The following ACTR3C variants were observed in gnomAD, a reference collection of about 807,000 sequenced individuals.
ACTR3C encodes the protein actin related protein 3C.
Under a neutral mutation model 26.3 loss-of-function variants are expected in ACTR3C, and 18 were observed. The observed-to-expected ratio is 0.68, with a 90% CI of 0.47 to 1.01. The LOEUF (loss-of-function observed/expected upper bound fraction) is 1.01, where lower values mean the gene tolerates loss of function less well. Among genes scored for constraint, ACTR3C ranks in the 50% least tolerant of loss-of-function variants. The pLI, the probability that ACTR3C is intolerant of heterozygous loss-of-function variation, is 0.00. For missense variants in ACTR3C, 184 were observed against 250.7 expected (o/e 0.73, Z 1.80); for synonymous variants, 55 against 94.5 (o/e 0.58, Z 2.42).
the ACTR3C span, among the ~76,000 whole-genome samples, chr7:149,936,568 C>T: frequency 1.3e-5 from 2 of 152,192 alleles, no homozygotes; most frequent in African/African-American, 2.4e-5. Context: ...CACAATAAAA[C>T]ACTGTACTGA....
chr7:149,987,941 A>C, the ACTR3C span, among the ~76,000 whole-genome samples: 2 of 152,260 alleles, frequency 1.3e-5, no homozygotes, highest in Non-Finnish European at 2.9e-5. Flanking sequence ...GAACATTTTC[A>C]CACTTAAAAA....
chr7:150,168,044 T>G, the ACTR3C span, among the ~76,000 whole-genome samples: 1 of 150,756 alleles, frequency 6.6e-6, no homozygotes, highest in Non-Finnish European at 1.5e-5. Context: ...AGGTGAAGAA[T>G]TTTTCTGTAG....
At chr7:150,079,987 T>A in the ACTR3C span, among the ~76,000 whole-genome samples, 1 of 152,142 alleles carries the variant, frequency 6.6e-6, no homozygotes, top group Non-Finnish European at 1.5e-5. Flanking sequence ...CTATTTAAAC[T>A]CACTTGCAAT....
At chr7:150,093,619 C>G in the ACTR3C span, among the ~76,000 whole-genome samples, 1 of 150,898 alleles carries the variant, frequency 6.6e-6, no homozygotes, top group Admixed American at 6.6e-5. Context: ...GGCCCTGTGT[C>G]TCTGTGACCC....
At chr7:149,983,073 T>C in the ACTR3C span, among the ~76,000 whole-genome samples, 1 of 152,058 alleles carries the variant, frequency 6.6e-6, no homozygotes, top group Non-Finnish European at 1.5e-5. Context: ...TGGATATCCA[T>C]ACAAGAGAAC....
chr7:149,938,101 C>T, the ACTR3C span, among the ~76,000 whole-genome samples: 1 of 152,112 alleles, frequency 6.6e-6, no homozygotes, highest in Non-Finnish European at 1.5e-5. Flanking sequence ...GGGATTCCGC[C>T]CTGGGAAAAT....
At chr7:150,128,648 T>C in the ACTR3C span, among the ~76,000 whole-genome samples, 1 of 151,588 alleles carries the variant, frequency 6.6e-6, no homozygotes, top group Non-Finnish European at 1.5e-5. Flanking sequence ...TCTGGGAGTT[T>C]CTCTCATGCA....
chr7:150,075,536 T>C, the ACTR3C span, among the ~76,000 whole-genome samples: 1 of 152,230 alleles, frequency 6.6e-6, no homozygotes, highest in South Asian at 2.1e-4. Context: ...TGTTAAATAC[T>C]GATGATGCCA....
the ACTR3C span, among the ~76,000 whole-genome samples, chr7:150,035,523 G>A: frequency 1.3e-3 from 136 of 105,462 alleles, no homozygotes; most frequent in South Asian, 9.1e-3. Flanking sequence ...CCCCACTCTC[G>A]TGGGGGGTGC....
the ACTR3C span, among the ~76,000 whole-genome samples, chr7:149,970,127 G>C: frequency 6.6e-6 from 1 of 152,252 alleles, no homozygotes; most frequent in Non-Finnish European, 1.5e-5. Flanking sequence ...TCATGAGCTA[G>C]GGGCCTCCTT....
chr7:150,163,556 T>C, the ACTR3C span, among the ~76,000 whole-genome samples: 1 of 151,872 alleles, frequency 6.6e-6, no homozygotes, highest in East Asian at 1.9e-4. Flanking sequence ...ACATATATAA[T>C]ACATATATAT....
the ACTR3C span, among the ~76,000 whole-genome samples, chr7:150,036,940 G>T: frequency 1.1e-3 from 94 of 82,586 alleles, 1 homozygote; most frequent in Non-Finnish European, 2.1e-3. Context: ...GGTCCTAAGA[G>T]CCAGTGGGGG....
Position 150,289,575 on chromosome 7 carries a change from C to T in ACTR3C, c.172G>A (p.Gly58Arg). The change falls in exon 4 of 8, where the codon GGA becomes AGA. Residue 58 changes from glycine to arginine, a missense_variant. Transcript: ENST00000683684. Reference sequence around the variant, plus strand: ...ATCGGGATGTGTTTGATGCAGCTTCCAATTACATAACCTTCTGCCTAGGGA... The same window carrying T: ...ATCGGGATGTGTTTGATGCAGCTTCTAATTACATAACCTTCTGCCTAGGGA... ...VIPVAEGYVI[G>R]SCIKHIPIAG... The T allele has an allele frequency of 6.3e-7, 1 of 1,583,480 alleles. No individual in the cohort carries two copies. The highest frequency in any genetic ancestry group is 1.2e-5 in the South Asian group (1 of 84,450).
the ACTR3C span, among the ~76,000 whole-genome samples, chr7:150,161,745 A>G: frequency 6.6e-6 from 1 of 152,192 alleles, no homozygotes; most frequent in South Asian, 2.1e-4. Context: ...TACTCACAAT[A>G]GTAAAGACTT....
chr7:150,297,947 G>C (rs1584959656), intron 1 of ACTR3C, among the ~76,000 whole-genome samples: 1 of 150,938 alleles, frequency 6.6e-6, no homozygotes, highest in Non-Finnish European at 1.5e-5. Flanking sequence ...ATATCAAGTT[G>C]AGCAGTGCAC....
At chr7:149,961,654 A>C in the ACTR3C span, among the ~76,000 whole-genome samples, 8 of 151,716 alleles carry the variant, frequency 5.3e-5, no homozygotes, top group Admixed American at 5.2e-4. Flanking sequence ...TACACATAGG[A>C]TCTATGGGCT....
chr7:149,894,310 A>T, the ACTR3C span, among the ~76,000 whole-genome samples: 7 of 152,218 alleles, frequency 4.6e-5, no homozygotes, highest in Admixed American at 4.6e-4. Context: ...AGAAAACGGT[A>T]AAATGCTTTA....
chr7:150,317,240 G>A (rs1470963129), intron 1 of ACTR3C, among the ~76,000 whole-genome samples: 1 of 152,038 alleles, frequency 6.6e-6, no homozygotes, highest in East Asian at 1.9e-4. Context: ...AGTAGAGACA[G>A]GGTTTCTCCA....
chr7:149,922,970 C>CTTTTTTTTTTTTTTTTTTTTTTTT, the ACTR3C span, among the ~76,000 whole-genome samples: 1 of 69,146 alleles, frequency 1.4e-5, no homozygotes, highest in African/African-American at 5.4e-5. Context: ...AAATAAAAGG[C>CTTTTTTTTTTTTTTTTTTTTTTTT]TTTTTTTTTT....
Sources: gnomAD v4.1 joint callset for allele counts (sites outside exome capture counted in the v4.1 genomes callset) on GRCh38, gnomAD v4.1.1 for gene constraint, MANE v1.5 for transcripts, NCBI Gene and HGNC (gene_info 2026-07-23, HGNC 2026-07-21) for gene names.